The following PDE8B variants were observed in gnomAD, a reference collection of about 807,000 sequenced individuals.
PDE8B encodes high affinity cAMP-specific and IBMX-insensitive 3',5'-cyclic phosphodiesterase 8B.
In PDE8B, 26 loss-of-function variants were observed where a neutral mutation model predicts 101.3. The ratio of observed to expected loss-of-function variants is 0.26; its 90% CI spans 0.19 to 0.36. The LOEUF (loss-of-function observed/expected upper bound fraction) is 0.36. Among genes scored for constraint, PDE8B ranks in the 10% least tolerant of loss-of-function variants. The pLI is 1.00. For synonymous variants in PDE8B, 424 were observed against 429.3 expected, an observed-to-expected ratio of 0.99 and a Z score of 0.15; for missense variants, 810 against 1,163.1, an observed-to-expected ratio of 0.70 and a Z score of 4.42.
chr5:77,310,095 G>A (rs915799940), intron 1 of PDE8B, among the ~76,000 whole-genome samples: 14 of 150,846 alleles, frequency 9.3e-5, no homozygotes, highest in Non-Finnish European at 1.2e-4. Flanking sequence ...GATTACAGGC[G>A]CCCGCCACCA....
At chr5:77,381,996 G>T (rs1446799835) in intron 10 of PDE8B, among the ~76,000 whole-genome samples, 1 of 152,020 alleles carries the variant, frequency 6.6e-6, no homozygotes, top group African/African-American at 2.4e-5. Context: ...TCTGTTTCAG[G>T]CTGTTCTGAT....
At chr5:77,373,378 A>G (rs972761431) in intron 10 of PDE8B, among the ~76,000 whole-genome samples, 5 of 152,210 alleles carry the variant, frequency 3.3e-5, no homozygotes, top group South Asian at 2.1e-4. Flanking sequence ...TAAAGCATAC[A>G]GTTTGATGAG....
intron 1 of PDE8B, among the ~76,000 whole-genome samples, chr5:77,267,702 C>T (rs566643395): frequency 6.6e-6 from 1 of 152,160 alleles, no homozygotes. Context: ...CTAATCAGTG[C>T]GTGTTTCTCA....
chr5:77,378,435 G>C (rs1159593983), intron 10 of PDE8B, among the ~76,000 whole-genome samples: 1 of 129,510 alleles, frequency 7.7e-6, no homozygotes, highest in Non-Finnish European at 1.6e-5. Flanking sequence ...CTCCAGCCTG[G>C]CGACAGAGCA....
intron 1 of PDE8B, among the ~76,000 whole-genome samples, chr5:77,214,854 A>G (rs547645167): frequency 1.6e-4 from 24 of 152,226 alleles, no homozygotes; most frequent in Non-Finnish European, 3.1e-4. Context: ...TGAATTTCTA[A>G]CAAGCTTCCA....
chr5:77,302,539 G>T (rs911558506), intron 1 of PDE8B, among the ~76,000 whole-genome samples: 4 of 152,184 alleles, frequency 2.6e-5, no homozygotes, highest in Admixed American at 6.5e-5. Flanking sequence ...CAAACGTTGT[G>T]CACACCGACT....
chr5:77,118,678 G>T, the PDE8B span: 1 of 295,760 alleles, frequency 3.4e-6, no homozygotes. Flanking sequence ...TCATGGGAAA[G>T]GATATAAAAA....
At chr5:77,261,661 A>T (rs1041446317) in intron 1 of PDE8B, among the ~76,000 whole-genome samples, 1 of 152,204 alleles carries the variant, frequency 6.6e-6, no homozygotes, top group Non-Finnish European at 1.5e-5. Flanking sequence ...TGCCGGCCAG[A>T]GGGCCTGCTC....
chr5:77,425,971 G>A (rs1042876891), intron 21 of PDE8B, 75 bp downstream of exon 21: 11 of 1,417,504 alleles, frequency 7.8e-6, no homozygotes, highest in Admixed American at 1.7e-5. Context: ...GACACAGGGT[G>A]AGCCTAAAGG....
At chr5:77,269,124 T>C (rs1427240584) in intron 1 of PDE8B, among the ~76,000 whole-genome samples, 1 of 152,040 alleles carries the variant, frequency 6.6e-6, no homozygotes, top group Non-Finnish European at 1.5e-5. Flanking sequence ...TTCCGCCACA[T>C]CCTCGCCAGC....
intron 1 of PDE8B, among the ~76,000 whole-genome samples, chr5:77,228,434 G>A (rs899303000): frequency 2.0e-5 from 3 of 152,194 alleles, no homozygotes; most frequent in Admixed American, 6.5e-5. Flanking sequence ...TTCCATGGAA[G>A]CATGAAGGAA....
chr5:77,137,805 T>C, the PDE8B span, among the ~76,000 whole-genome samples: 1 of 152,108 alleles, frequency 6.6e-6, no homozygotes, highest in Non-Finnish European at 1.5e-5. Flanking sequence ...TGGCTACAGA[T>C]TGATCATCAT....
At chr5:77,193,213 G>A in the PDE8B span, among the ~76,000 whole-genome samples, 2 of 151,976 alleles carry the variant, frequency 1.3e-5, no homozygotes, top group African/African-American at 4.8e-5. Flanking sequence ...TCTAGTTCAT[G>A]CCTTTTACAT....
At chr5:77,409,260 G>T (rs1794083429) in intron 14 of PDE8B, among the ~76,000 whole-genome samples, 1 of 152,206 alleles carries the variant, frequency 6.6e-6, no homozygotes, top group African/African-American at 2.4e-5. Flanking sequence ...TTTCCATGAG[G>T]CTGGCCTACC....
intron 10 of PDE8B, among the ~76,000 whole-genome samples, chr5:77,385,439 T>C (rs932030725): frequency 6.6e-6 from 1 of 151,610 alleles, no homozygotes; most frequent in South Asian, 2.1e-4. Flanking sequence ...TTGATTTTTT[T>C]TTTTTCTTTT....
At chr5:77,340,543 C>G (rs992397735) in intron 6 of PDE8B, among the ~76,000 whole-genome samples, 8 of 152,044 alleles carry the variant, frequency 5.3e-5, no homozygotes, top group Admixed American at 2.6e-4. Flanking sequence ...TGTTCAGAAT[C>G]TTTTCCCTAC....
intron 8 of PDE8B, among the ~76,000 whole-genome samples, chr5:77,350,145 A>G (rs1780828939): frequency 6.6e-6 from 1 of 152,072 alleles, no homozygotes; most frequent in Non-Finnish European, 1.5e-5. Context: ...CTGCCTGTGC[A>G]TTTTCTGTTA....
the PDE8B span, chr5:77,100,250 T>C: frequency 1.3e-5 from 2 of 152,184 alleles, no homozygotes; most frequent in African/African-American, 4.8e-5. Context: ...CTAGGATGCC[T>C]CATAAAGGCC....
At chr5:77,402,407 A>G (rs994856805) in intron 11 of PDE8B, among the ~76,000 whole-genome samples, 2 of 152,204 alleles carry the variant, frequency 1.3e-5, no homozygotes, top group Non-Finnish European at 2.9e-5. Flanking sequence ...TGTTCAGATT[A>G]ACTTTATAAT....
Sources: allele counts gnomAD v4.1 joint callset (sites outside exome capture counted in the v4.1 genomes callset), GRCh38; gene constraint gnomAD v4.1.1; transcripts MANE v1.5; gene names NCBI Gene and HGNC (gene_info 2026-07-23, HGNC 2026-07-21).